The following CDH19 variants were observed in gnomAD, a reference collection of about 807,000 sequenced individuals.
The protein encoded by CDH19 is cadherin-19.
In CDH19, 67 loss-of-function variants were observed where a neutral mutation model predicts 64.2. That is an observed-to-expected ratio of 1.04 (90% CI 0.86 to 1.28). CDH19 has a LOEUF of 1.28. Among genes scored for constraint, CDH19 ranks in the 50% most tolerant of loss-of-function variants. The pLI is 0.00. For synonymous variants in CDH19, 346 were observed against 319.3 expected (o/e 1.08, Z -0.89); for missense variants, 1,030 against 929.0 (o/e 1.11, Z -1.41).
chr18:66,509,347 A>G, intron 10 of CDH19, 101 bp from the exon 11 acceptor site: 1 of 978,546 alleles, frequency 1.0e-6, no homozygotes. Context: ...GATATGATCA[A>G]GTAAGTTCAA....
At chr18:66,538,093 T>G (rs576922714) in intron 7 of CDH19, among the ~76,000 whole-genome samples, 2 of 152,106 alleles carry the variant, frequency 1.3e-5, no homozygotes, top group South Asian at 2.1e-4. Context: ...AGAGTAACAC[T>G]GCAATCCCTA....
rs933181188 is a variant in CDH19, at chr18:66,501,577, T to C, written c.*3235A>G. On this transcript the variant is annotated 3_prime_UTR_variant, in exon 12 of 12. Transcript: ENST00000262150. ...TGAGGAAGTTGACTTTTATTTTCAATGTGCCGTGAGGCTGTTGAGATCACT... is the reference window on the plus strand; with the variant it reads ...TGAGGAAGTTGACTTTTATTTTCAACGTGCCGTGAGGCTGTTGAGATCACT... 3 of 152,182 alleles carry C rather than the reference T, an allele frequency of 2.0e-5. No individual in the cohort carries two copies. The highest frequency in any genetic ancestry group is 7.2e-5 in the African/African-American group (3 of 41,442). The allele number at this position is 152,182 out of a possible 1,614,324, so 9.4% of individuals were successfully genotyped here.
At chr18:66,516,877 G>T (rs1985762569) in intron 9 of CDH19, among the ~76,000 whole-genome samples, 1 of 152,042 alleles carries the variant, frequency 6.6e-6, no homozygotes, top group Non-Finnish European at 1.5e-5. Context: ...ATACATTAAA[G>T]ACATATGTAG....
chr18:66,578,349 CAT>C (rs1411283088), intron 1 of CDH19, among the ~76,000 whole-genome samples: 9 of 151,858 alleles, frequency 5.9e-5, no homozygotes, highest in Non-Finnish European at 8.8e-5. Context: ...AAAGAGTTGA[CAT>C]GTAAAATAAG....
At chr18:66,543,171 G>A (rs1417381793) in intron 7 of CDH19, among the ~76,000 whole-genome samples, 2 of 152,040 alleles carry the variant, frequency 1.3e-5, no homozygotes, top group Non-Finnish European at 2.9e-5. Context: ...GACTACAGGT[G>A]CCCGCCGCCA....
intron 1 of CDH19, among the ~76,000 whole-genome samples, chr18:66,584,736 C>A (rs1300401554): frequency 6.6e-6 from 1 of 152,064 alleles, no homozygotes; most frequent in Non-Finnish European, 1.5e-5. Flanking sequence ...ACTTAACCAT[C>A]ACATGAACAC....
intron 11 of CDH19, among the ~76,000 whole-genome samples, chr18:66,508,731 C>T (rs1009491562): frequency 9.2e-6 from 1 of 109,144 alleles, no homozygotes; most frequent in Non-Finnish European, 1.9e-5. Flanking sequence ...GTGTCAAGAA[C>T]ATGCATAAAC....
intron 10 of CDH19, 38 bp downstream of exon 10, chr18:66,511,530 A>G (rs1985484385): frequency 1.1e-6 from 1 of 881,934 alleles, no homozygotes; most frequent in Non-Finnish European, 1.9e-6. Context: ...ATGAGTCACA[A>G]AAATGTATCA....
chr18:66,597,488 C>T (rs1024452250), intron 1 of CDH19, among the ~76,000 whole-genome samples: 1 of 152,066 alleles, frequency 6.6e-6, no homozygotes, highest in Non-Finnish European at 1.5e-5. Flanking sequence ...AATCCTACAA[C>T]TATAAACACC....
chr18:66,524,542 GTATATATATA>G (rs72219868), intron 9 of CDH19, among the ~76,000 whole-genome samples: 81 of 94,574 alleles, frequency 8.6e-4, no homozygotes, highest in African/African-American at 2.0e-3. Context: ...ATGTTTGTGT[GTATATATATA>G]TATATATATA....
At chr18:66,531,805 A>T (rs369692121) in intron 8 of CDH19, among the ~76,000 whole-genome samples, 10 of 152,276 alleles carry the variant, frequency 6.6e-5, no homozygotes, top group African/African-American at 2.4e-4. Flanking sequence ...ACATAAAGCA[A>T]TTGCATAAAT....
At position 66,529,589 on chromosome 18, in the gene CDH19, T is replaced by A. The variant is rs569745933; in HGVS notation, c.1458+256A>T. On this transcript the variant is annotated intron_variant, in intron 9 of 11. Coordinates refer to ENST00000262150, the MANE Select transcript of CDH19 (RefSeq NM_021153.4). ...ATGTAATTAATATAAATAGAATAAA[T>A]TTTTTGATGTTTTAAAATAAGATGA... Among the ~76,000 whole-genome samples the A allele has an allele frequency of 1.1e-3, 167 of 148,766 alleles. 4 individuals carry two copies. The South Asian group carries it at 0.031, about 27-fold the overall frequency.
At chr18:66,514,547 A>G (rs1985647621) in intron 9 of CDH19, among the ~76,000 whole-genome samples, 1 of 151,456 alleles carries the variant, frequency 6.6e-6, no homozygotes, top group Non-Finnish European at 1.5e-5. Flanking sequence ...ATGAAGGCAA[A>G]GATATCATAC....
chr18:66,595,772 T>C (rs984646438), intron 1 of CDH19, among the ~76,000 whole-genome samples: 1 of 152,100 alleles, frequency 6.6e-6, no homozygotes, highest in Admixed American at 6.6e-5. Context: ...ACTGAAACTA[T>C]TTCAAAAATT....
Position 66,527,387 on chromosome 18 carries a change from C to T in CDH19, c.1458+2458G>A, listed in dbSNP as rs1986264863. 1.3e-5 allele frequency among the ~76,000 whole-genome samples: 2 copies of T among 151,834 alleles called. 1 individual carries two copies. The highest frequency in any genetic ancestry group is 1.3e-4 in the Admixed American group (2 of 15,216). ...TCACTATATGTGCATACATATATAA[C>T]TATGGAATAAAATCAAGAATCTCTG... On this transcript the variant is annotated intron_variant, in intron 9 of 11. Transcript: ENST00000262150.
At chr18:66,510,613 T>C (rs1985433789) in intron 10 of CDH19, among the ~76,000 whole-genome samples, 1 of 147,032 alleles carries the variant, frequency 6.8e-6, no homozygotes, top group South Asian at 2.1e-4. Context: ...ATAATAATAA[T>C]AATAATAATA....
chr18:66,558,383 G>A (rs944147849), intron 3 of CDH19, among the ~76,000 whole-genome samples: 3 of 151,172 alleles, frequency 2.0e-5, no homozygotes, highest in Admixed American at 1.3e-4. Context: ...CCCTCTTTCA[G>A]TTATTATTGA....
intron 9 of CDH19, among the ~76,000 whole-genome samples, chr18:66,522,659 T>A (rs1986047647): frequency 6.6e-6 from 1 of 151,410 alleles, no homozygotes; most frequent in Admixed American, 6.6e-5. Flanking sequence ...TTTTATTATA[T>A]ATATTTTTTC....
intron 1 of CDH19, among the ~76,000 whole-genome samples, chr18:66,601,979 C>T (rs960831162): frequency 3.3e-5 from 5 of 151,898 alleles, no homozygotes; most frequent in South Asian, 4.1e-4. Flanking sequence ...ATTATTATTA[C>T]GTTCCATACT....
Sources: gnomAD v4.1 joint callset for allele counts (sites outside exome capture counted in the v4.1 genomes callset) on GRCh38, gnomAD v4.1.1 for gene constraint, MANE v1.5 for transcripts, NCBI Gene and HGNC (gene_info 2026-07-23, HGNC 2026-07-21) for gene names.